Variants in ATRIP observed in about 807,000 individuals in gnomAD.
The protein encoded by ATRIP is ATR interacting protein, also known as ATR-interacting protein.
In ATRIP, 44 loss-of-function variants were observed where a neutral mutation model predicts 78.1. That is an observed-to-expected ratio of 0.56 (90% CI 0.44 to 0.72). The LOEUF is 0.72. Ranked by LOEUF, ATRIP falls within the 30% of genes least tolerant of loss-of-function variation. The pLI, the probability that ATRIP is intolerant of heterozygous loss-of-function variation, is 0.00. For missense variants in ATRIP, 927 were observed against 980.2 expected (o/e 0.95, Z 0.72); for synonymous variants, 388 against 408.9 (o/e 0.95, Z 0.62).
intron 9 of ATRIP, 72 bp from the exon 10 acceptor site, chr3:48,463,969 C>T: frequency 6.2e-7 from 1 of 1,604,398 alleles, no homozygotes; most frequent in Non-Finnish European, 8.5e-7. Flanking sequence ...CCTCAGAGGG[C>T]TTCTGCAGTA....
At chr3:48,449,229 T>C (rs972080387) in intron 1 of ATRIP, among the ~76,000 whole-genome samples, 30 of 151,450 alleles carry the variant, frequency 2.0e-4, no homozygotes, top group Non-Finnish European at 3.5e-4. Context: ...GGCTGGCCAA[T>C]ATGGTGAAAC....
rs1185007404 is a variant in ATRIP at position 48,447,046 on chromosome 3, G to A, written c.201G>A (p.Ala67=). The change falls in exon 1 of 13, where the codon GCG becomes GCA. Residue 67 remains alanine (A), a synonymous_variant. Coordinates refer to ENST00000320211, the MANE Select transcript of ATRIP (RefSeq NM_130384.3). ...ACCTGGAGGAGCTTGACACCCTCGC[G>A]TCACAGGCCCTGAGCCAATGTCCGG... The part of the protein sequence containing the change: ...ADDLEELDTL[A]SQALSQCPAA... The A allele has an allele frequency of 6.4e-7, 1 of 1,569,442 alleles. No individual in the cohort carries two copies. The highest frequency in any genetic ancestry group is 1.9e-5 in the Admixed American group (1 of 54,038).
Position 48,457,401 on chromosome 3 carries a change from C to G in ATRIP, c.814C>G (p.Leu272Val). 6.3e-7 allele frequency: 1 copy of G among 1,584,846 alleles called. No individual in the cohort carries two copies. The highest frequency in any genetic ancestry group is 8.6e-7 in the Non-Finnish European group (1 of 1,167,950). Residue 272 changes from leucine (L) to valine (V), a missense_variant, in exon 5 of 13, where the codon CTG becomes GTG. Leu to Val is a conservative substitution (Grantham distance 32). Transcript: ENST00000320211. ...CCAGACGGAGTCAGGATACAAGCCT[C>G]TGGTGGGCAGAGAGGGTAAGTCCAT... ...PCQTESGYKP[L>V]VGREDSKPHS...
At chr3:48,459,254 C>T (rs1575282103) in intron 5 of ATRIP, 105 bp from the exon 6 acceptor site, 7 of 913,640 alleles carry the variant, frequency 7.7e-6, no homozygotes, top group Admixed American at 4.5e-5. Context: ...GTTCCAAGTT[C>T]GAAGAAGTAG....
chr3:48,464,541 C>T (rs1371355646), intron 10 of ATRIP, 41 bp from the exon 11 acceptor site: 16 of 1,595,844 alleles, frequency 1.0e-5, no homozygotes, highest in Non-Finnish European at 1.2e-5. Context: ...AGGGACTGGT[C>T]TCCTTCTGCC....
rs1482180432 is a variant in ATRIP at position 48,466,518 on chromosome 3, A to G, written c.*964A>G. 6.2e-7 allele frequency: 1 copy of G among 1,613,918 alleles called. No individual in the cohort carries two copies. ...GGGCCCTGGAGCTCGCAGACAGGGCAGGATTGTGCAGGGAAGGCCTGAGAT... is the reference window on the plus strand; with the variant it reads ...GGGCCCTGGAGCTCGCAGACAGGGCGGGATTGTGCAGGGAAGGCCTGAGAT... On this transcript the variant is annotated 3_prime_UTR_variant, in exon 13 of 13. Coordinates refer to ENST00000320211, the MANE Select transcript of ATRIP (RefSeq NM_130384.3).
At chr3:48,451,676 C>A in intron 2 of ATRIP, 53 bp from the exon 3 acceptor site, 1 of 1,475,660 alleles carries the variant, frequency 6.8e-7, no homozygotes, top group Non-Finnish European at 9.2e-7. Flanking sequence ...AAACAAAGTA[C>A]CTAAGTAGTT....
At chr3:48,463,100 C>T (rs2040165264) in intron 8 of ATRIP, among the ~76,000 whole-genome samples, 1 of 152,218 alleles carries the variant, frequency 6.6e-6, no homozygotes, top group African/African-American at 2.4e-5. Flanking sequence ...CAGGCCAGTC[C>T]ATCGTGCTCC....
In ATRIP at chr3:48,463,681, G is replaced by C. The variant is rs2040181160; in HGVS notation, c.1746-64G>C. ...AATTTTCTGTTACCTCTAGTGGAGT[G>C]TGAAGGTAGGTTATGGAGCTGGGGT... On this transcript the variant is annotated intron_variant, in intron 8 of 12. Coordinates refer to ENST00000320211, the MANE Select transcript of ATRIP (RefSeq NM_130384.3). 3 of 1,600,398 alleles carry C rather than the reference G, an allele frequency of 1.9e-6. No homozygotes were observed. In the African/African-American group the frequency reaches 4.0e-5, roughly 21 times the overall value.
At position 48,460,843 on chromosome 3, in the gene ATRIP, T is replaced by C. The variant is rs772499457; in HGVS notation, c.1745+44T>C. ...GTCATGATTCTTTGTGGGTCTCACCTGACCTCTTAAGGTCTAACCCATGGC... is the reference window on the plus strand; with the variant it reads ...GTCATGATTCTTTGTGGGTCTCACCCGACCTCTTAAGGTCTAACCCATGGC... On this transcript the variant is annotated intron_variant, in intron 8 of 12. Coordinates refer to ENST00000320211, the MANE Select transcript of ATRIP (RefSeq NM_130384.3). The C allele has an allele frequency of 3.9e-6, 6 of 1,528,536 alleles. No homozygotes were observed. In the African/African-American group the frequency reaches 6.9e-5, roughly 17 times the overall value. The allele number at this position is 1,528,536 out of a possible 1,614,324, so 94.7% of individuals were successfully genotyped here.
Position 48,459,407 on chromosome 3 carries a change from C to A in ATRIP, c.878C>A (p.Ala293Asp). 6.2e-7 allele frequency: 1 copy of A among 1,614,016 alleles called. No individual in the cohort carries two copies. Among genetic ancestry groups the A allele is most frequent in the Non-Finnish European group, 8.5e-7 (1 of 1,180,008 alleles). ...LRGDSIKQEE[A>D]QKSFVDSWRQ... is the part of the protein sequence containing the mutation. Reference sequence around the variant, plus strand: ...GGTGACTCCATAAAACAAGAAGAGGCCCAGAAAAGCTTTGTTGACAGCTGG... The same window carrying A: ...GGTGACTCCATAAAACAAGAAGAGGACCAGAAAAGCTTTGTTGACAGCTGG... The change falls in exon 6 of 13, where the codon GCC (alanine) becomes GAC (aspartate). Residue 293 changes from alanine (A) to aspartate (D), a missense_variant. Ala to Asp is a moderately radical substitution (Grantham distance 126). Coordinates refer to ENST00000320211, the MANE Select transcript of ATRIP (RefSeq NM_130384.3).
chr3:48,459,737 G>T, intron 6 of ATRIP, 50 bp from the exon 7 acceptor site: 1 of 1,592,914 alleles, frequency 6.3e-7, no homozygotes, highest in South Asian at 1.1e-5. Flanking sequence ...GAAAGCCACC[G>T]AAAAGATCTC....
Position 48,463,789 on chromosome 3 carries a change from A to G in ATRIP, c.1790A>G (p.Glu597Gly). 1 of 1,614,140 alleles carries G rather than the reference A, an allele frequency of 6.2e-7. No individual in the cohort carries two copies. Among genetic ancestry groups the G allele is most frequent in the East Asian group, 2.2e-5 (1 of 44,886 alleles). The change falls in exon 9 of 13, where the codon GAG becomes GGG. Residue 597 changes from glutamate to glycine, a missense_variant. Transcript: ENST00000320211. ...FQVLPKCLSPETPLPSVLLAV... is the reference protein window; with the variant it reads ...FQVLPKCLSPGTPLPSVLLAV... ...GTGCTGCCAAAGTGCCTCAGCCCAG[A>G]GACACCCCTGCCTAGCGTGCTGCTG...
chr3:48,465,278 T>TCA (rs1460046008), intron 12 of ATRIP, among the ~76,000 whole-genome samples, 195 bp downstream of exon 12: 2 of 152,250 alleles, frequency 1.3e-5, no homozygotes, highest in African/African-American at 4.8e-5. Flanking sequence ...ATCTATCTGT[T>TCA]GAGTGTGCCT....
intron 1 of ATRIP, 161 bp downstream of exon 1, chr3:48,447,253 T>G (rs1006349128): frequency 7.9e-7 from 1 of 1,267,020 alleles, no homozygotes; most frequent in South Asian, 2.9e-5. Flanking sequence ...CAGAAGGTCC[T>G]TTGATTTTAG....
chr3:48,454,490 T>C, intron 4 of ATRIP, 72 bp downstream of exon 4: 1 of 1,191,946 alleles, frequency 8.4e-7, no homozygotes. Context: ...AGTGTCAGGC[T>C]GGTCCTAAAT....
intron 5 of ATRIP, among the ~76,000 whole-genome samples, chr3:48,458,548 A>T (rs1385436254): frequency 2.0e-5 from 3 of 152,050 alleles, no homozygotes; most frequent in African/African-American, 7.2e-5. Flanking sequence ...TCTCAATCTC[A>T]TGACCTCGTG....
chr3:48,464,142 C>CTTTTTTTTTGGTGGAGACGGGGTTTTG lies in ATRIP; in HGVS notation c.1974+10_1974+11insTTTTTTTTTGGTGGAGACGGGGTTTTG. The CTTTTTTTTTGGTGGAGACGGGGTTTTG allele has an allele frequency of 6.2e-7, 1 of 1,604,974 alleles. No individual in the cohort carries two copies. Among genetic ancestry groups the CTTTTTTTTTGGTGGAGACGGGGTTTTG allele is most frequent in the Non-Finnish European group, 8.5e-7 (1 of 1,171,996 alleles). On this transcript the variant is annotated intron_variant, in intron 10 of 12. Coordinates refer to ENST00000320211, the MANE Select transcript of ATRIP (RefSeq NM_130384.3). ...CCAGCTGGAACAAGAGGTAAAAACT[C>CTTTTTTTTTGGTGGAGACGGGGTTTTG]CAGAGCCCCTTCTGGACACTGTCCC... is the stretch of plus-strand genomic sequence containing the variant.
In ATRIP at chr3:48,464,143, C is replaced by G; in HGVS notation, c.1974+11C>G. ...CAGCTGGAACAAGAGGTAAAAACTC[C>G]AGAGCCCCTTCTGGACACTGTCCCC... is the stretch of plus-strand genomic sequence containing the variant. On this transcript the variant is annotated intron_variant, in intron 10 of 12. Coordinates refer to ENST00000320211, the MANE Select transcript of ATRIP (RefSeq NM_130384.3). 6.2e-7 allele frequency: 1 copy of G among 1,604,316 alleles called. No homozygotes were observed. Among genetic ancestry groups the G allele is most frequent in the Non-Finnish European group, 8.5e-7 (1 of 1,171,382 alleles).
Sources: gnomAD v4.1 joint callset for allele counts (sites outside exome capture counted in the v4.1 genomes callset) on GRCh38, gnomAD v4.1.1 for gene constraint, MANE v1.5 for transcripts, NCBI Gene and HGNC (gene_info 2026-07-23, HGNC 2026-07-21) for gene names.